PLOD2: variants seen among roughly 807,000 people sequenced by gnomAD.
The protein encoded by PLOD2 is lysine hydroxylase 2.
Under a neutral mutation model 101.0 loss-of-function variants are expected in PLOD2, and 65 were observed. That is an observed-to-expected ratio of 0.64 (90% confidence interval 0.53 to 0.79). PLOD2 has a LOEUF of 0.79. PLOD2 is among the 30% of genes least tolerant of loss of function. The pLI is 0.00. For synonymous variants in PLOD2, 314 were observed against 302.9 expected (o/e 1.04, Z -0.38); for missense variants, 909 against 914.6 (o/e 0.99, Z 0.08).
chr3:146,101,927 C>A (rs116510765), intron 7 of PLOD2, among the ~76,000 whole-genome samples: 1,831 of 152,292 alleles, frequency 0.012, 39 homozygotes, highest in African/African-American at 0.042. Context: ...CGGGAATCTA[C>A]TTCTTTCAGT....
At chr3:146,091,105 G>A (rs1019264710) in intron 8 of PLOD2, among the ~76,000 whole-genome samples, 1 of 151,786 alleles carries the variant, frequency 6.6e-6, no homozygotes, top group African/African-American at 2.4e-5. Context: ...CTCAAAACAT[G>A]AATGATAAAA....
intron 1 of PLOD2, among the ~76,000 whole-genome samples, chr3:146,155,714 C>CAA (rs766107067): frequency 7.4e-4 from 40 of 54,014 alleles, no homozygotes; most frequent in African/African-American, 2.0e-3. Context: ...GACTCTGTCT[C>CAA]AAAAAAAAAA....
At chr3:146,083,577 CTTTTT>C (rs869301001) in intron 11 of PLOD2, among the ~76,000 whole-genome samples, 14 of 75,786 alleles carry the variant, frequency 1.8e-4, no homozygotes, top group Admixed American at 9.5e-4. Flanking sequence ...AAGTCTTTTT[CTTTTT>C]TTTTTTTTTT....
intron 7 of PLOD2, among the ~76,000 whole-genome samples, chr3:146,097,990 G>A (rs1937264015): frequency 6.6e-6 from 1 of 152,048 alleles, no homozygotes; most frequent in South Asian, 2.1e-4. Flanking sequence ...TCATAAGTGG[G>A]AGCTGAACAA....
intron 1 of PLOD2, among the ~76,000 whole-genome samples, chr3:146,155,960 G>C (rs13095083): frequency 6.6e-6 from 1 of 152,014 alleles, no homozygotes; most frequent in Non-Finnish European, 1.5e-5. Context: ...TCATAACCAG[G>C]TTTCTAGAAC....
At chr3:146,140,344 G>A (rs1476361462) in intron 1 of PLOD2, among the ~76,000 whole-genome samples, 1 of 151,966 alleles carries the variant, frequency 6.6e-6, no homozygotes, top group Admixed American at 6.6e-5. Flanking sequence ...AAGGATTCAT[G>A]ACATTCCTCA....
chr3:146,146,330 T>C (rs1158392813), intron 1 of PLOD2, among the ~76,000 whole-genome samples: 1 of 152,090 alleles, frequency 6.6e-6, no homozygotes, highest in East Asian at 1.9e-4. Flanking sequence ...AGCTAAACAT[T>C]TGGATGTAAA....
At chr3:146,082,050 A>G (rs1426550060) in intron 11 of PLOD2, among the ~76,000 whole-genome samples, 187 bp from the exon 12 acceptor site, 1 of 152,234 alleles carries the variant, frequency 6.6e-6, no homozygotes, top group Non-Finnish European at 1.5e-5. Context: ...AAGTAAGTAT[A>G]TTGCTAATTT....
At chr3:146,129,767 C>T (rs2030799403) in intron 1 of PLOD2, among the ~76,000 whole-genome samples, 1 of 152,088 alleles carries the variant, frequency 6.6e-6, no homozygotes. Flanking sequence ...GAAAAATAGT[C>T]GTGAAGCTGT....
At chr3:146,100,269 T>C (rs937508103) in intron 7 of PLOD2, among the ~76,000 whole-genome samples, 8 of 152,200 alleles carry the variant, frequency 5.3e-5, no homozygotes, top group Non-Finnish European at 1.0e-4. Flanking sequence ...ATTAGATTAT[T>C]GACTCTAACA....
intron 1 of PLOD2, among the ~76,000 whole-genome samples, chr3:146,146,625 CA>C (rs963509340): frequency 1.1e-4 from 17 of 152,124 alleles, no homozygotes; most frequent in African/African-American, 4.1e-4. Flanking sequence ...GCCTCATGGG[CA>C]TAAGGAATCA....
rs1042861270 is a variant in PLOD2 at position 146,146,613 on chromosome 3, C to G, written c.109+14268G>C. Among the ~76,000 whole-genome samples, 7 of 152,262 alleles carry G rather than the reference C, an allele frequency of 4.6e-5. No homozygotes were observed. In the East Asian group the frequency reaches 1.4e-3, roughly 29 times the overall value. On this transcript the variant is annotated intron_variant, in intron 1 of 19. Coordinates refer to ENST00000282903, the MANE Select transcript of PLOD2 (RefSeq NM_182943.3). ...GAATTCTGCATTGTTGGTATAGTCA[C>G]TGCCTCATGGGCATAAGGAATCAAC...
chr3:146,081,636 A>T (rs1253979055), intron 12 of PLOD2, 102 bp downstream of exon 12: 1 of 902,774 alleles, frequency 1.1e-6, no homozygotes, highest in Non-Finnish European at 1.8e-6. Flanking sequence ...CATTAACTAT[A>T]AAGAAAAGAG....
Position 146,071,285 on chromosome 3 carries a change from A to G in PLOD2, c.1987T>C (p.Tyr663His). ...PVTLKVFAGY[Y>H]TKGFALLNFV... is the part of the protein sequence containing the mutation. ...GGTGAGAGGATAACTACCTTCGTAT[A>G]ATAGCCTGCAAAGACCTTCAGTGTA... The change falls in exon 18 of 20, where the codon TAT becomes CAT. Residue 663 changes from tyrosine to histidine, a missense_variant. Tyr to His is a moderately conservative substitution (Grantham distance 83). Transcript: ENST00000282903. 1 of 1,612,018 alleles carries G rather than the reference A, an allele frequency of 6.2e-7. No individual in the cohort carries two copies. The highest frequency in any genetic ancestry group is 1.1e-5 in the South Asian group (1 of 91,056).
chr3:146,089,827 C>T (rs1936917082), intron 8 of PLOD2, among the ~76,000 whole-genome samples: 1 of 151,532 alleles, frequency 6.6e-6, no homozygotes, highest in Non-Finnish European at 1.5e-5. Context: ...TAGGTCACAA[C>T]TCTCCTTTAT....
At chr3:146,150,687 C>T (rs926585947) in intron 1 of PLOD2, among the ~76,000 whole-genome samples, 8 of 151,870 alleles carry the variant, frequency 5.3e-5, no homozygotes, top group Non-Finnish European at 1.2e-4. Context: ...CATGAGTTCA[C>T]CTGTGTAACA....
Position 146,072,662 on chromosome 3 carries a change from A to G in PLOD2, c.1747T>C (p.Cys583Arg). 1 of 1,587,880 alleles carries G rather than the reference A, an allele frequency of 6.3e-7. No homozygotes were observed. Among genetic ancestry groups the G allele is most frequent in the Non-Finnish European group, 8.6e-7 (1 of 1,157,056 alleles). Reference sequence around the variant, plus strand: ...ATGGGGAACCAAAAGACATCTGGACAGGGCTATAAAATATGCATCATCGTT... The same window carrying G: ...ATGGGGAACCAAAAGACATCTGGACGGGGCTATAAAATATGCATCATCGTT... ...IFTENIVEQP[C>R]PDVFWFPIFS... Residue 583 changes from cysteine to arginine, a missense_variant, in exon 17 of 20, where the codon TGT becomes CGT. Coordinates refer to ENST00000282903, the MANE Select transcript of PLOD2 (RefSeq NM_182943.3).
chr3:146,106,602 T>A lies in PLOD2; in HGVS notation c.545A>T (p.Gln182Leu), dbSNP rs752098974. 6.3e-7 allele frequency: 1 copy of A among 1,591,982 alleles called. No homozygotes were observed. The highest frequency in any genetic ancestry group is 1.3e-5 in the African/African-American group (1 of 74,466). The change falls in exon 5 of 20, where the codon CAA becomes CTA. Residue 182 changes from glutamine (Q) to leucine (L), a missense_variant. By Grantham distance (113) the Gln-to-Leu change is moderately radical. Coordinates refer to ENST00000282903, the MANE Select transcript of PLOD2 (RefSeq NM_182943.3). The stretch of plus-strand genomic sequence containing the variant: ...ATCATCATTATCCTGGAGATTCCAT[T>A]GTTGAACTATACGGTTGACATATGG... The part of the protein sequence containing the change: ...YAPYVNRIVQ[Q>L]WNLQDNDDDQ...
chr3:146,127,999 G>A (rs972595476), intron 1 of PLOD2, among the ~76,000 whole-genome samples: 1 of 152,044 alleles, frequency 6.6e-6, no homozygotes, highest in Admixed American at 6.6e-5. Context: ...TAAAGACAGA[G>A]TACAACTTTA....
Sources: gnomAD v4.1 joint callset for allele counts (sites outside exome capture counted in the v4.1 genomes callset) on GRCh38, gnomAD v4.1.1 for gene constraint, MANE v1.5 for transcripts, NCBI Gene and HGNC (gene_info 2026-07-23, HGNC 2026-07-21) for gene names.